The following FER1L5 variants were observed in gnomAD, a reference collection of about 807,000 sequenced individuals.
The protein encoded by FER1L5 is fer-1-like protein 5.
In FER1L5, 187 loss-of-function variants were observed where a neutral mutation model predicts 279.9. The ratio of observed to expected loss-of-function variants is 0.67; its 90% CI spans 0.59 to 0.75. The LOEUF is 0.75. Ranked by LOEUF, FER1L5 falls within the 30% of genes least tolerant of loss-of-function variation. The pLI, the probability that FER1L5 is intolerant of heterozygous loss-of-function variation, is 0.00. For synonymous variants in FER1L5, 921 were observed against 989.7 expected (o/e 0.93, Z 1.30); for missense variants, 2,091 against 2,594.4 (o/e 0.81, Z 4.21).
chr2:96,686,205 G>A lies in FER1L5; in HGVS notation c.2084G>A (p.Gly695Asp). The change falls in exon 23 of 53, where the codon GGC becomes GAC. Residue 695 changes from glycine (G) to aspartate (D), a missense_variant. Transcript: ENST00000624922. ...CTCCCACCTCGGCAGCCCCAGATGGGCCTCCCTGACGTGATGATTTGGCTG... is the reference window on the plus strand; with the variant it reads ...CTCCCACCTCGGCAGCCCCAGATGGACCTCCCTGACGTGATGATTTGGCTG... Reference protein sequence around the residue: ...LNTVLPEPQMGLPDVMIWLVA... With the variant: ...LNTVLPEPQMDLPDVMIWLVA... The A allele has an allele frequency of 6.4e-7, 1 of 1,550,500 alleles. No individual in the cohort carries two copies. Among genetic ancestry groups the A allele is most frequent in the South Asian group, 1.2e-5 (1 of 84,002 alleles).
At chr2:96,674,742 C>T (rs537205659) in intron 19 of FER1L5, among the ~76,000 whole-genome samples, 292 of 152,142 alleles carry the variant, frequency 1.9e-3, no homozygotes, top group Non-Finnish European at 2.9e-3. Context: ...GCCTGGGAGG[C>T]AGAGGTTGCA....
chr2:96,701,664 A>T (rs1365311153), intron 45 of FER1L5, among the ~76,000 whole-genome samples: 1 of 152,086 alleles, frequency 6.6e-6, no homozygotes, highest in Non-Finnish European at 1.5e-5. Flanking sequence ...ATCTAGCATG[A>T]CCTAGGGAGT....
chr2:96,665,788 G>T (rs763418752), intron 14 of FER1L5, among the ~76,000 whole-genome samples: 4 of 152,028 alleles, frequency 2.6e-5, no homozygotes, highest in Non-Finnish European at 5.9e-5. Flanking sequence ...GTTTCACCAT[G>T]TTGGCCAGGC....
In FER1L5 at chr2:96,663,463, A is replaced by G; in HGVS notation, c.1096A>G (p.Thr366Ala). 1 of 1,551,590 alleles carries G rather than the reference A, an allele frequency of 6.4e-7. No homozygotes were observed. Among genetic ancestry groups the G allele is most frequent in the South Asian group, 1.2e-5 (1 of 84,060 alleles). Reference protein sequence around the residue: ...EKLRTHMQTQTDNPIWNQILT... With the variant: ...EKLRTHMQTQADNPIWNQILT... ...GCTCAGGACACACATGCAGACCCAAACCGACAACCCGATATGGAACCAGAT... is the reference window on the plus strand; with the variant it reads ...GCTCAGGACACACATGCAGACCCAAGCCGACAACCCGATATGGAACCAGAT... The change falls in exon 14 of 53, where the codon ACC becomes GCC. Residue 366 changes from threonine (T) to alanine (A), a missense_variant. Transcript: ENST00000624922.
chr2:96,701,073 G>A (rs958726142), intron 45 of FER1L5, among the ~76,000 whole-genome samples: 1 of 152,242 alleles, frequency 6.6e-6, no homozygotes, highest in African/African-American at 2.4e-5. Flanking sequence ...CAGCCTGTGG[G>A]AGGCTGAGGC....
chr2:96,650,168 G>C lies in FER1L5; in HGVS notation c.395-12G>C. On this transcript the variant is annotated splice_polypyrimidine_tract_variant and intron_variant, in intron 5 of 52. Coordinates refer to ENST00000624922, the MANE Select transcript of FER1L5 (RefSeq NM_001293083.2). ...CAGGCCTCTGACCCCACCCTGCACT[G>C]TGTCTCCCCAGGAGCTGAAGACCAC... 2 of 1,550,274 alleles carry C rather than the reference G, an allele frequency of 1.3e-6. No individual in the cohort carries two copies. Among genetic ancestry groups the C allele is most frequent in the Non-Finnish European group, 1.7e-6 (2 of 1,145,790 alleles).
Position 96,703,021 on chromosome 2 carries a change from C to A in FER1L5, c.5441C>A (p.Ala1814Asp). ...GATGCCACGTCCATGAAGTTCCCAG[C>A]CCGACTTATCATCCAGGTCTGGGAC... ...SLDATSMKFPARLIIQVWDND... is the reference protein window; with the variant it reads ...SLDATSMKFPDRLIIQVWDND... The change falls in exon 49 of 53, where the codon GCC (alanine) becomes GAC (aspartate). Residue 1814 changes from alanine (A) to aspartate (D), a missense_variant. Transcript: ENST00000624922. 2 of 1,613,408 alleles carry A rather than the reference C, an allele frequency of 1.2e-6. No homozygotes were observed. The highest frequency in any genetic ancestry group is 1.7e-6 in the Non-Finnish European group (2 of 1,179,692).
At chr2:96,670,000 A>G in intron 17 of FER1L5, 119 bp from the exon 18 acceptor site, 1 of 1,341,980 alleles carries the variant, frequency 7.5e-7, no homozygotes, top group South Asian at 1.4e-5. Context: ...TTGTGGTTGC[A>G]GTAAGCCCCG....
At chr2:96,659,340 T>C (rs2075761714) in intron 9 of FER1L5, among the ~76,000 whole-genome samples, 2 of 83,410 alleles carry the variant, frequency 2.4e-5, no homozygotes, top group African/African-American at 1.1e-4. Flanking sequence ...CTTCCTTCCT[T>C]CCTTCCTTCC....
At chr2:96,667,386 T>C (rs1487354084) in intron 14 of FER1L5, among the ~76,000 whole-genome samples, 3 of 151,650 alleles carry the variant, frequency 2.0e-5, no homozygotes, top group Non-Finnish European at 4.4e-5. Context: ...TCGCTCTTGT[T>C]GCCTAGGCTG....
At chr2:96,644,539 A>C (rs1209758838) in intron 1 of FER1L5, among the ~76,000 whole-genome samples, 1 of 152,166 alleles carries the variant, frequency 6.6e-6, no homozygotes, top group African/African-American at 2.4e-5. Flanking sequence ...AGAGAAAAAA[A>C]GGTGAAAGTA....
chr2:96,689,879 G>A lies in FER1L5; in HGVS notation c.2640+121G>A. The A allele has an allele frequency of 2.5e-6, 2 of 813,332 alleles. No homozygotes were observed. The highest frequency in any genetic ancestry group is 3.8e-6 in the Non-Finnish European group (2 of 523,002). 50.4% of individuals were successfully genotyped at this position (813,332 alleles called of 1,614,324 possible). On this transcript the variant is annotated intron_variant, in intron 26 of 52. Transcript: ENST00000624922. The surrounding 1 kb of genome is among the most constrained non-coding windows in gnomAD (Gnocchi z 4.6). ...CCCTATGCCCTGCACTATGTGTGGGGCCCCGGGTGAGCGCACCAGCCCTCA... is the reference window on the plus strand; with the variant it reads ...CCCTATGCCCTGCACTATGTGTGGGACCCCGGGTGAGCGCACCAGCCCTCA...
chr2:96,663,632 C>G, intron 14 of FER1L5, 125 bp downstream of exon 14: 1 of 1,039,332 alleles, frequency 9.6e-7, no homozygotes, highest in Non-Finnish European at 1.5e-6. Flanking sequence ...GGGACTCTGC[C>G]TGATAGGGAG....
chr2:96,656,836 G>A (rs1351996816), intron 9 of FER1L5, among the ~76,000 whole-genome samples: 1 of 149,170 alleles, frequency 6.7e-6, no homozygotes, highest in Non-Finnish European at 1.5e-5. Flanking sequence ...GGGTTTTGCT[G>A]ATTTCATCTT....
At chr2:96,650,777 G>A (rs757405892) in intron 6 of FER1L5, among the ~76,000 whole-genome samples, 12 of 152,172 alleles carry the variant, frequency 7.9e-5, no homozygotes, top group East Asian at 1.9e-4. Context: ...CATTCCTGCC[G>A]TGGTTTTACC....
chr2:96,668,091 C>A (rs1271227526), intron 14 of FER1L5, among the ~76,000 whole-genome samples: 19 of 151,998 alleles, frequency 1.3e-4, no homozygotes, highest in Admixed American at 1.2e-3. Flanking sequence ...GTGATCTGCC[C>A]GCTTCAGCCC....
intron 17 of FER1L5, 52 bp downstream of exon 17, chr2:96,669,189 G>A: frequency 6.6e-7 from 1 of 1,514,588 alleles, no homozygotes; most frequent in Non-Finnish European, 8.9e-7. Context: ...GCTTCCCCAT[G>A]TAAAGCACTA....
At chr2:96,659,335 T>TTCCTTCCTTCCTTCCTTCCTTCCG (rs2075759445) in intron 9 of FER1L5, among the ~76,000 whole-genome samples, 2 of 83,342 alleles carry the variant, frequency 2.4e-5, no homozygotes, top group African/African-American at 9.5e-5. Context: ...CCTTCCTTCC[T>TTCCTTCCTTCCTTCCTTCCTTCCG]TCCTTCCTTC....
At chr2:96,661,502 G>A (rs2075952819) in intron 11 of FER1L5, 62 bp downstream of exon 11, 2 of 1,513,908 alleles carry the variant, frequency 1.3e-6, no homozygotes, top group East Asian at 2.5e-5. Flanking sequence ...GCACCCCTGG[G>A]CCTCACCCTG....
Sources: gnomAD v4.1 joint callset for allele counts (sites outside exome capture counted in the v4.1 genomes callset) on GRCh38, gnomAD v4.1.1 for gene constraint, Gnocchi (gnomAD v3.1) non-coding constraint, MANE v1.5 for transcripts, NCBI Gene and HGNC (gene_info 2026-07-23, HGNC 2026-07-21) for gene names.